Variants in BRMS1 observed in about 807,000 individuals in gnomAD.
BRMS1 encodes breast cancer metastasis-suppressor 1.
BRMS1 carries 26 observed loss-of-function variants against 40.4 expected under a neutral mutation model. The ratio of observed to expected loss-of-function variants is 0.64; its 90% CI spans 0.47 to 0.89. The LOEUF is 0.89. BRMS1 is among the 40% of genes least tolerant of loss of function. The pLI is 0.00. For missense variants in BRMS1, 289 were observed against 309.4 expected (o/e 0.93, Z 0.49); for synonymous variants, 103 against 116.0 (o/e 0.89, Z 0.72).
Position 66,337,648 on chromosome 11 carries a change from A to G in BRMS1, c.*234T>C, listed in dbSNP as rs1476425562. 6.5e-7 allele frequency: 1 copy of G among 1,526,962 alleles called. No homozygotes were observed. The allele number at this position is 1,526,962 out of a possible 1,614,324, so 94.6% of individuals were successfully genotyped here. A position where few individuals can be genotyped will look rare whatever the true frequency, so the allele number is the denominator to read the frequency against. ...TGGCAGGCGGCTCAGGGATGGAGACAGCAGCCTTGCCTGGTCAGGTCAGCT... is the reference window on the plus strand; with the variant it reads ...TGGCAGGCGGCTCAGGGATGGAGACGGCAGCCTTGCCTGGTCAGGTCAGCT... On this transcript the variant is annotated 3_prime_UTR_variant, in exon 10 of 10. Transcript: ENST00000359957.
Position 66,341,461 on chromosome 11 carries a change from G to C in BRMS1, c.230+72C>G, listed in dbSNP as rs1855072581. The stretch of plus-strand genomic sequence containing the variant: ...CACTTCCTGGGCACCAACCACGCCT[G>C]CCCAGTACCAGGCCCACCACCTCCT... On this transcript the variant is annotated intron_variant, in intron 3 of 9. Transcript: ENST00000359957. This position sits in a 1 kb window ranked among gnomAD's most constrained non-coding sequence, Gnocchi z 4.9. 2 of 1,601,154 alleles carry C rather than the reference G, an allele frequency of 1.2e-6. No individual in the cohort carries two copies. The highest frequency in any genetic ancestry group is 3.3e-5 in the Admixed American group (2 of 59,958).
At position 66,341,969 on chromosome 11, in the gene BRMS1, ATG is replaced by A. The variant is rs1855094012; in HGVS notation, c.139+125_139+126del. The A allele has an allele frequency of 1.0e-6, 1 of 965,480 alleles. No homozygotes were observed. The highest frequency in any genetic ancestry group is 2.1e-5 in the African/African-American group (1 of 47,478). The allele number at this position is 965,480 out of a possible 1,614,324, so 59.8% of individuals were successfully genotyped here. On this transcript the variant is annotated intron_variant, in intron 2 of 9. Coordinates refer to ENST00000359957, the MANE Select transcript of BRMS1 (RefSeq NM_015399.4). This position sits in a 1 kb window ranked among gnomAD's most constrained non-coding sequence, Gnocchi z 4.9. ...GTGCGCTTGTGTGCAGGGTCTGTGT[ATG>A]TGCTTGTGTGTAGGCGCTGTATGTG...
intron 6 of BRMS1, 39 bp downstream of exon 6, chr11:66,340,735 C>T (rs538062418): frequency 1.9e-5 from 30 of 1,554,448 alleles, no homozygotes; most frequent in Middle Eastern, 2.3e-4. Flanking sequence ...GTGGACTGAG[C>T]GGGGCCCAGT....
chr11:66,340,011 G>T (rs537983993), intron 7 of BRMS1, 110 bp downstream of exon 7: 11 of 808,352 alleles, frequency 1.4e-5, no homozygotes, highest in East Asian at 1.3e-4. Flanking sequence ...AAGCAACCAC[G>T]AGTGCATCTA....
In BRMS1 at chr11:66,341,119, G is replaced by T; in HGVS notation, c.359-73C>A. On this transcript the variant is annotated intron_variant, in intron 4 of 9. Transcript: ENST00000359957. This position sits in a 1 kb window ranked among gnomAD's most constrained non-coding sequence, Gnocchi z 4.9. ...CCCACATAGGAGGGCTGAGAGCAAA[G>T]GGCAAGGCCGGGCAGGAACGAGAGA... The T allele has an allele frequency of 1.9e-6, 3 of 1,612,108 alleles. No homozygotes were observed. The South Asian group carries it at 3.3e-5, about 18-fold the overall frequency.
chr11:66,340,495 T>C (rs886575060), intron 6 of BRMS1, among the ~76,000 whole-genome samples: 4 of 152,142 alleles, frequency 2.6e-5, no homozygotes, highest in Non-Finnish European at 5.9e-5. Flanking sequence ...ACAGGTACTA[T>C]GAACATGGAG....
intron 7 of BRMS1, 200 bp downstream of exon 7, chr11:66,339,921 T>C: frequency 2.0e-6 from 1 of 503,766 alleles, no homozygotes; most frequent in Non-Finnish European, 3.6e-6. Context: ...TTTCCTAGGG[T>C]TCACATAGCC....
intron 9 of BRMS1, among the ~76,000 whole-genome samples, 167 bp from the exon 10 acceptor site, chr11:66,338,056 C>T (rs1854969623): frequency 6.6e-6 from 1 of 152,236 alleles, no homozygotes; most frequent in South Asian, 2.1e-4. Flanking sequence ...CAGAGCTTCC[C>T]CAGCCCCATC....
In BRMS1 at chr11:66,342,106, CTCT is replaced by C; in HGVS notation, c.126_128del (p.Glu44del). On this transcript the variant is annotated inframe_deletion, in exon 2 of 10. Transcript: ENST00000359957. ...TGTGTAGGGGCTCACCGGAGCTCTC[CTCT>C]TCTGACTCTGTCTGGCTGCCGCTCC... 6.2e-7 allele frequency: 1 copy of C among 1,613,172 alleles called. No homozygotes were observed. The highest frequency in any genetic ancestry group is 8.5e-7 in the Non-Finnish European group (1 of 1,179,886).
chr11:66,337,458 C>T lies in BRMS1; in HGVS notation c.*424G>A, dbSNP rs1281031041. ...CAGATCCAGCCAGGGTGGACAGACC[C>T]CCAGATAATCACGTCTGACTCAGAG... On this transcript the variant is annotated 3_prime_UTR_variant, in exon 10 of 10. Coordinates refer to ENST00000359957, the MANE Select transcript of BRMS1 (RefSeq NM_015399.4). 1 of 552,870 alleles carries T rather than the reference C, an allele frequency of 1.8e-6. No individual in the cohort carries two copies. Among genetic ancestry groups the T allele is most frequent in the African/African-American group, 1.9e-5 (1 of 53,452 alleles). 34.2% of individuals were successfully genotyped at this position (552,870 alleles called of 1,614,324 possible).
At position 66,340,181 on chromosome 11, in the gene BRMS1, T is replaced by C; in HGVS notation, c.568A>G (p.Ser190Gly). 6.2e-7 allele frequency: 1 copy of C among 1,613,770 alleles called. No individual in the cohort carries two copies. The highest frequency in any genetic ancestry group is 8.5e-7 in the Non-Finnish European group (1 of 1,179,934). The change falls in exon 7 of 10, where the codon AGC (serine) becomes GGC (glycine). Residue 190 changes from serine (S) to glycine (G), a missense_variant. Physicochemically the swap from Ser to Gly is moderately conservative, Grantham distance 56. Coordinates refer to ENST00000359957, the MANE Select transcript of BRMS1 (RefSeq NM_015399.4). ...WWDDKLHARGSSRSWDSLPPS... is the reference protein window; with the variant it reads ...WWDDKLHARGGSRSWDSLPPS... ...GGCAGGGAGTCCCAAGACCTGGAGC[T>C]GCCTCTGGCGTGCAGTTTGTCATCC...
chr11:66,340,797 C>A lies in BRMS1; in HGVS notation c.512G>T (p.Arg171Leu), dbSNP rs200013073. ...QERIQRLEED[R>L]QSLDLSSEWW... is the part of the protein sequence containing the mutation. ...ACCAGAGCTGAGGTCCAGGCTCTGG[C>A]GGTCCTCCTCCAGCCTCTGGATCCG... is the stretch of plus-strand genomic sequence containing the variant. Residue 171 changes from arginine (R) to leucine (L), a missense_variant, in exon 6 of 10, where the codon CGC (arginine) becomes CTC (leucine). Transcript: ENST00000359957. 6.2e-7 allele frequency: 1 copy of A among 1,612,818 alleles called. No homozygotes were observed. The highest frequency in any genetic ancestry group is 1.3e-5 in the African/African-American group (1 of 75,018).
At chr11:66,339,085 C>T (rs1164706492) in intron 7 of BRMS1, among the ~76,000 whole-genome samples, 1 of 152,198 alleles carries the variant, frequency 6.6e-6, no homozygotes, top group African/African-American at 2.4e-5. Flanking sequence ...AACCTGGCCC[C>T]TTCCCTGATC....
In BRMS1 at chr11:66,339,610, TG is replaced by T. The variant is rs574045921; in HGVS notation, c.628+510del. On this transcript the variant is annotated intron_variant, in intron 7 of 9. Transcript: ENST00000359957. ...GACCCGCTCGGACAACCCCGGGAGA[TG>T]GAAAGGCCTCAAAGGCCAAACCTCA... is the stretch of plus-strand genomic sequence containing the variant. Among the ~76,000 whole-genome samples, 20 of 152,242 alleles carry T rather than the reference TG, an allele frequency of 1.3e-4. No homozygotes were observed. The East Asian group carries it at 3.9e-3, about 29-fold the overall frequency.
intron 9 of BRMS1, 100 bp downstream of exon 9, chr11:66,338,141 GAC>G (rs1474861610): frequency 3.2e-5 from 47 of 1,491,402 alleles, no homozygotes; most frequent in East Asian, 4.8e-5. Context: ...CACTGATTCT[GAC>G]ACAGTCACAG....
intron 6 of BRMS1, 30 bp from the exon 7 acceptor site, chr11:66,340,243 G>A (rs759464175): frequency 2.5e-6 from 4 of 1,589,200 alleles, no homozygotes; most frequent in Admixed American, 3.3e-5. Flanking sequence ...TAGAATTGGG[G>A]TGCTGGCCCA....
chr11:66,338,955 C>T (rs185282925), intron 7 of BRMS1, among the ~76,000 whole-genome samples, 170 bp from the exon 8 acceptor site: 162 of 152,150 alleles, frequency 1.1e-3, no homozygotes, highest in Middle Eastern at 6.8e-3. Context: ...TTCCAGGGGT[C>T]GTCCTGGAAC....
chr11:66,341,089 C>G lies in BRMS1; in HGVS notation c.359-43G>C, dbSNP rs772200688. ...AGGGTCCCTGCTTGGCTGGGGAGCC[C>G]GGTGCCCACATAGGAGGGCTGAGAG... is the stretch of plus-strand genomic sequence containing the variant. On this transcript the variant is annotated intron_variant, in intron 4 of 9. Coordinates refer to ENST00000359957, the MANE Select transcript of BRMS1 (RefSeq NM_015399.4). This position sits in a 1 kb window ranked among gnomAD's most constrained non-coding sequence, Gnocchi z 4.9. The G allele has an allele frequency of 6.2e-7, 1 of 1,612,270 alleles. No homozygotes were observed. Among genetic ancestry groups the G allele is most frequent in the South Asian group, 1.1e-5 (1 of 91,038 alleles).
At position 66,337,713 on chromosome 11, in the gene BRMS1, A is replaced by G. The variant is rs1423039594; in HGVS notation, c.*169T>C. The G allele has an allele frequency of 5.6e-6, 9 of 1,607,682 alleles. No individual in the cohort carries two copies. On this transcript the variant is annotated 3_prime_UTR_variant, in exon 10 of 10. Coordinates refer to ENST00000359957, the MANE Select transcript of BRMS1 (RefSeq NM_015399.4). ...GTGCAGGCCTCGAGGAGGGCAGAGG[A>G]GGAGTCCAGGCCAGTGCCAGATGGA... is the stretch of plus-strand genomic sequence containing the variant.
Sources: gnomAD v4.1 joint callset for allele counts (sites outside exome capture counted in the v4.1 genomes callset) on GRCh38, gnomAD v4.1.1 for gene constraint, Gnocchi (gnomAD v3.1) non-coding constraint, MANE v1.5 for transcripts, NCBI Gene and HGNC (gene_info 2026-07-23, HGNC 2026-07-21) for gene names.